SDK1: variants seen among roughly 807,000 people sequenced by gnomAD.
The protein encoded by SDK1 is sidekick cell adhesion molecule 1.
A neutral mutation model predicts 245.5 loss-of-function variants in SDK1; 157 were observed. That is an observed-to-expected ratio of 0.64 (90% CI 0.56 to 0.73). The LOEUF is 0.73. Ranked by LOEUF, SDK1 falls within the 30% of genes least tolerant of loss-of-function variation. The pLI, the probability that SDK1 is intolerant of heterozygous loss-of-function variation, is 0.00. For synonymous variants in SDK1, 1,647 were observed against 1,278.5 expected (o/e 1.29, Z -6.15); for missense variants, 3,583 against 3,002.3 (o/e 1.19, Z -4.52).
At chr7:3,479,460 A>G (rs955607248) in intron 1 of SDK1, among the ~76,000 whole-genome samples, 4 of 151,260 alleles carry the variant, frequency 2.6e-5, no homozygotes, top group African/African-American at 9.7e-5. Context: ...TCTATTGTCC[A>G]ATTGGTGGAT....
intron 4 of SDK1, among the ~76,000 whole-genome samples, chr7:3,673,378 A>G (rs948011302): frequency 2.0e-5 from 3 of 152,188 alleles, no homozygotes; most frequent in Non-Finnish European, 2.9e-5. Flanking sequence ...CATTTCCTGA[A>G]AGAGTCTTTT....
chr7:4,232,540 G>A (rs1279813407), intron 40 of SDK1, among the ~76,000 whole-genome samples: 3 of 151,382 alleles, frequency 2.0e-5, no homozygotes, highest in Non-Finnish European at 4.4e-5. Flanking sequence ...TCAGCTCACT[G>A]CAACCTCAAC....
intron 1 of SDK1, among the ~76,000 whole-genome samples, chr7:3,412,888 T>G (rs1283764968): frequency 6.6e-6 from 1 of 152,196 alleles, no homozygotes; most frequent in African/African-American, 2.4e-5. Context: ...CAGTTGAGAT[T>G]AAGCCACGTG....
intron 4 of SDK1, chr7:3,643,769 AC>A (rs1335327780): frequency 6.9e-6 from 1 of 144,706 alleles, no homozygotes; most frequent in Non-Finnish European, 1.5e-5. Flanking sequence ...CTCCTCTCCC[AC>A]CCCCACCTGA....
At chr7:4,060,102 C>T (rs187646471) in intron 19 of SDK1, among the ~76,000 whole-genome samples, 1 of 152,098 alleles carries the variant, frequency 6.6e-6, no homozygotes, top group Non-Finnish European at 1.5e-5. Context: ...AGGATGGTCT[C>T]GATCTCCTGA....
intron 4 of SDK1, among the ~76,000 whole-genome samples, chr7:3,760,815 G>A (rs564826224): frequency 6.6e-6 from 1 of 152,286 alleles, no homozygotes; most frequent in South Asian, 2.1e-4. Flanking sequence ...GTAGCCATCT[G>A]GGTGTTTAAC....
intron 4 of SDK1, among the ~76,000 whole-genome samples, chr7:3,723,937 T>TAG (rs1327111477): frequency 5.0e-5 from 6 of 119,220 alleles, no homozygotes; most frequent in South Asian, 5.7e-4. Context: ...TATATATATA[T>TAG]ATATATAGAG....
At chr7:3,984,615 T>C (rs1783678611) in intron 13 of SDK1, among the ~76,000 whole-genome samples, 1 of 152,156 alleles carries the variant, frequency 6.6e-6, no homozygotes, top group Admixed American at 6.5e-5. Flanking sequence ...ATGTCTGTTT[T>C]GCAAGGTTTG....
chr7:4,239,275 G>A (rs1183968292), intron 42 of SDK1, among the ~76,000 whole-genome samples: 1 of 152,222 alleles, frequency 6.6e-6, no homozygotes, highest in Non-Finnish European at 1.5e-5. Flanking sequence ...GAAGTTTCCA[G>A]AAGGCAGAAT....
At chr7:4,074,114 T>A (rs1375525451) in intron 20 of SDK1, among the ~76,000 whole-genome samples, 12 of 152,158 alleles carry the variant, frequency 7.9e-5, no homozygotes, top group Non-Finnish European at 1.5e-5. Context: ...TCTTCAGGTA[T>A]TTGACTTACG....
intron 30 of SDK1, among the ~76,000 whole-genome samples, chr7:4,158,116 G>A (rs1584323652): frequency 6.6e-6 from 1 of 152,172 alleles, no homozygotes; most frequent in Non-Finnish European, 1.5e-5. Context: ...GAGGAGCCCT[G>A]AGCAGAATCT....
At chr7:4,178,052 C>T (rs933229163) in intron 34 of SDK1, among the ~76,000 whole-genome samples, 6 of 152,220 alleles carry the variant, frequency 3.9e-5, no homozygotes, top group African/African-American at 1.2e-4. Context: ...GCTGATCTGA[C>T]AGGAGGCAGA....
chr7:3,902,834 A>G (rs1347874453), intron 5 of SDK1, among the ~76,000 whole-genome samples: 1 of 150,322 alleles, frequency 6.7e-6, no homozygotes, highest in African/African-American at 2.5e-5. Flanking sequence ...GTTTTGCTGA[A>G]ATAAGAATAT....
chr7:3,455,554 A>C (rs1780641252), intron 1 of SDK1, among the ~76,000 whole-genome samples: 1 of 152,030 alleles, frequency 6.6e-6, no homozygotes, highest in Non-Finnish European at 1.5e-5. Flanking sequence ...TCTTGCCCTG[A>C]ATTGCTTTTT....
rs117229715 is a variant in SDK1 at position 3,475,208 on chromosome 7, C to T, written c.299-143872C>T. 2.6e-3 allele frequency among the ~76,000 whole-genome samples: 389 copies of T among 152,290 alleles called. 13 individuals are homozygous for T. In the East Asian group the frequency reaches 0.062, roughly 24 times the overall value. On this transcript the variant is annotated intron_variant, in intron 1 of 44. Transcript: ENST00000404826. ...GGGTCTGGAACCTGAACTCTCCCTCCTGCTCTTTAGTGTCACTTGCTTCTT... is the reference window on the plus strand; with the variant it reads ...GGGTCTGGAACCTGAACTCTCCCTCTTGCTCTTTAGTGTCACTTGCTTCTT...
intron 1 of SDK1, among the ~76,000 whole-genome samples, chr7:3,591,445 C>CT (rs1266719742): frequency 3.9e-5 from 6 of 152,226 alleles, no homozygotes; most frequent in African/African-American, 1.4e-4. Flanking sequence ...CCTGGATGTC[C>CT]TTTATGTGTC....
At chr7:4,214,210 G>A (rs146719559) in intron 38 of SDK1, among the ~76,000 whole-genome samples, 9 of 152,000 alleles carry the variant, frequency 5.9e-5, no homozygotes, top group East Asian at 3.9e-4. Flanking sequence ...GGCAGAAAGC[G>A]TCTGGAGCAC....
At chr7:4,213,097 G>T (rs1453657931) in intron 38 of SDK1, among the ~76,000 whole-genome samples, 1 of 152,112 alleles carries the variant, frequency 6.6e-6, no homozygotes, top group East Asian at 1.9e-4. Flanking sequence ...TGGCCAACAT[G>T]GTGAAACCCC....
In SDK1 at chr7:3,681,583, C is replaced by G. The variant is rs73050388; in HGVS notation, c.713+39478C>G. 1.7e-3 allele frequency among the ~76,000 whole-genome samples: 260 copies of G among 152,290 alleles called. 2 individuals are homozygous for G. The South Asian group carries it at 0.017, about 10-fold the overall frequency. ...CATTTCTTTCAATAACACTTAATGT[C>G]TTTTGACATATCATACTTACTTACA... On this transcript the variant is annotated intron_variant, in intron 4 of 44. Transcript: ENST00000404826.
Sources: gnomAD v4.1 joint callset for allele counts (sites outside exome capture counted in the v4.1 genomes callset) on GRCh38, gnomAD v4.1.1 for gene constraint, MANE v1.5 for transcripts, NCBI Gene and HGNC (gene_info 2026-07-23, HGNC 2026-07-21) for gene names.